CNTN5: variants seen among roughly 807,000 people sequenced by gnomAD.
The protein encoded by CNTN5 is contactin-5.
A neutral mutation model predicts 129.1 loss-of-function variants in CNTN5; 77 were observed. The ratio of observed to expected loss-of-function variants is 0.60; its 90% CI spans 0.50 to 0.72. CNTN5 has a LOEUF of 0.72. Ranked by LOEUF, CNTN5 falls within the 30% of genes least tolerant of loss-of-function variation. The pLI is 0.00. For synonymous variants in CNTN5, 509 were observed against 465.6 expected (o/e 1.09, Z -1.20); for missense variants, 1,478 against 1,328.8 (o/e 1.11, Z -1.75).
chr11:99,162,311 C>G (rs577017337), intron 1 of CNTN5, among the ~76,000 whole-genome samples: 94 of 151,692 alleles, frequency 6.2e-4, no homozygotes, highest in African/African-American at 2.1e-3. Context: ...AAGAAGAGAG[C>G]CTTTGTAGAA....
At position 100,286,764 on chromosome 11, in the gene CNTN5, T is replaced by C. The variant is rs1308213413; in HGVS notation, c.2315-10861T>C. Among the ~76,000 whole-genome samples, 765 of 147,776 alleles carry C rather than the reference T, an allele frequency of 5.2e-3. 29 individuals are homozygous for C. Among genetic ancestry groups the C allele is most frequent in the African/African-American group, 0.018 (725 of 39,362 alleles). On this transcript the variant is annotated intron_variant, in intron 18 of 24. Coordinates refer to ENST00000524871, the MANE Select transcript of CNTN5 (RefSeq NM_014361.4). ...GAACAAAGCTGGATGGAGAATGACTTTGATGAGCTGAGAGAAGAAGGCTTC... is the reference window on the plus strand; with the variant it reads ...GAACAAAGCTGGATGGAGAATGACTCTGATGAGCTGAGAGAAGAAGGCTTC...
chr11:100,289,164 G>C (rs1444526375), intron 18 of CNTN5, among the ~76,000 whole-genome samples: 1 of 151,310 alleles, frequency 6.6e-6, no homozygotes, highest in Admixed American at 6.6e-5. Context: ...ATTCACAGCC[G>C]AATTCTACCA....
chr11:100,291,979 C>T (rs539214510), intron 18 of CNTN5, among the ~76,000 whole-genome samples: 3 of 151,882 alleles, frequency 2.0e-5, no homozygotes, highest in South Asian at 2.1e-4. Context: ...CAAATAAATC[C>T]TAAGCACTTT....
intron 6 of CNTN5, among the ~76,000 whole-genome samples, chr11:99,853,365 G>C (rs1224234397): frequency 6.6e-6 from 1 of 151,724 alleles, no homozygotes; most frequent in Non-Finnish European, 1.5e-5. Flanking sequence ...AGGTATGTGT[G>C]TATATGTAAT....
chr11:99,436,333 G>A (rs1943598156), intron 2 of CNTN5, among the ~76,000 whole-genome samples: 1 of 152,094 alleles, frequency 6.6e-6, no homozygotes, highest in Non-Finnish European at 1.5e-5. Context: ...ATAAATGGAG[G>A]ATCAGAGAGA....
rs1014813958 is a variant in CNTN5 at position 99,256,633 on chromosome 11, T to A, written c.-209-68713T>A. Among the ~76,000 whole-genome samples, 3 of 152,064 alleles carry A rather than the reference T, an allele frequency of 2.0e-5. No homozygotes were observed. The South Asian group carries it at 6.2e-4, about 32-fold the overall frequency. ...TACCAATGGAAAATGATTACATAAT[T>A]TATCAAAAATATATTTATGCCAAAG... On this transcript the variant is annotated intron_variant, in intron 1 of 24. Transcript: ENST00000524871.
At chr11:99,458,417 C>T (rs1565598198) in intron 2 of CNTN5, among the ~76,000 whole-genome samples, 3 of 151,658 alleles carry the variant, frequency 2.0e-5, no homozygotes, top group Admixed American at 6.6e-5. Flanking sequence ...ATGAGAATTG[C>T]GCTATAAAAA....
At chr11:99,390,128 A>G (rs1239998456) in intron 2 of CNTN5, among the ~76,000 whole-genome samples, 1 of 110,246 alleles carries the variant, frequency 9.1e-6, no homozygotes, top group Non-Finnish European at 1.9e-5. Context: ...AAATAAAATA[A>G]GCCTTTTTTT....
chr11:99,813,421 C>T (rs1477532789), intron 3 of CNTN5, among the ~76,000 whole-genome samples: 1 of 152,078 alleles, frequency 6.6e-6, no homozygotes, highest in Non-Finnish European at 1.5e-5. Flanking sequence ...TAGAAGACAC[C>T]TTTCCATGAC....
Position 99,998,027 on chromosome 11 carries a change from G to A in CNTN5, c.878-4007G>A, listed in dbSNP as rs192466341. Reference sequence around the variant, plus strand: ...TCTCAAAATGATAAGAGCTATCTATGACAAACCCACAGCCAATATCATACT... The same window carrying A: ...TCTCAAAATGATAAGAGCTATCTATAACAAACCCACAGCCAATATCATACT... On this transcript the variant is annotated intron_variant, in intron 8 of 24. Transcript: ENST00000524871. 1.1e-3 allele frequency among the ~76,000 whole-genome samples: 172 copies of A among 152,206 alleles called. No homozygotes were observed. In the South Asian group the frequency reaches 0.012, roughly 10 times the overall value.
At chr11:99,406,936 C>G (rs961131749) in intron 2 of CNTN5, among the ~76,000 whole-genome samples, 4 of 151,694 alleles carry the variant, frequency 2.6e-5, no homozygotes, top group Admixed American at 6.6e-5. Context: ...TGGGACTCAC[C>G]CTTCAGGGAA....
chr11:99,571,231 T>C (rs889537723), intron 3 of CNTN5, among the ~76,000 whole-genome samples: 1 of 152,190 alleles, frequency 6.6e-6, no homozygotes. Flanking sequence ...ATGAAGTATT[T>C]AGACCTGTAG....
At chr11:100,006,446 T>C (rs1940194813) in intron 9 of CNTN5, among the ~76,000 whole-genome samples, 2 of 152,178 alleles carry the variant, frequency 1.3e-5, no homozygotes, top group African/African-American at 2.4e-5. Context: ...ACCAAGTAGA[T>C]GTAATGGTCC....
chr11:99,956,995 C>A lies in CNTN5; in HGVS notation c.863C>A (p.Thr288Asn). Residue 288 changes from threonine (T) to asparagine (N), a missense_variant, in exon 8 of 25, where the codon ACT becomes AAT. By Grantham distance (65) the Thr-to-Asn change is moderately conservative. Coordinates refer to ENST00000524871, the MANE Select transcript of CNTN5 (RefSeq NM_014361.4). Reference protein sequence around the residue: ...ARVLSPPTPLTLRNDGVMGEY... With the variant: ...ARVLSPPTPLNLRNDGVMGEY... The stretch of plus-strand genomic sequence containing the variant: ...GTCCTTAGTCCTCCAACGCCACTCA[C>A]TCTGCGTAATGATGGTAAGTTGCTT... The A allele has an allele frequency of 1.2e-6, 2 of 1,613,592 alleles. No individual in the cohort carries two copies. Among genetic ancestry groups the A allele is most frequent in the Non-Finnish European group, 1.7e-6 (2 of 1,179,668 alleles).
intron 1 of CNTN5, among the ~76,000 whole-genome samples, chr11:99,259,135 A>T (rs1285389546): frequency 6.6e-6 from 1 of 151,922 alleles, no homozygotes; most frequent in Non-Finnish European, 1.5e-5. Flanking sequence ...TATTGTATAT[A>T]TGTATGCATA....
chr11:99,972,434 C>T (rs986944512), intron 8 of CNTN5, among the ~76,000 whole-genome samples: 3 of 152,166 alleles, frequency 2.0e-5, no homozygotes, highest in Non-Finnish European at 4.4e-5. Context: ...CAAGGCGTGT[C>T]CCTGCGCCTC....
At position 99,119,410 on chromosome 11, in the gene CNTN5, G is replaced by GT. The variant is rs1241589079; in HGVS notation, c.-210+98142dup. Reference sequence around the variant, plus strand: ...ACGGTTTTTGGTTTTCTGTTGCTGTGTTAGTTTGCCAAGGATAATGGCCTC... The same window carrying GT: ...ACGGTTTTTGGTTTTCTGTTGCTGTGTTTAGTTTGCCAAGGATAATGGCCTC... On this transcript the variant is annotated intron_variant, in intron 1 of 24. Transcript: ENST00000524871. Among the ~76,000 whole-genome samples, 3 of 152,072 alleles carry GT rather than the reference G, an allele frequency of 2.0e-5. No homozygotes were observed. In the East Asian group the frequency reaches 5.8e-4, roughly 29 times the overall value.
intron 6 of CNTN5, among the ~76,000 whole-genome samples, chr11:99,877,404 G>A (rs896629416): frequency 1.2e-4 from 19 of 152,118 alleles, no homozygotes; most frequent in Admixed American, 4.6e-4. Flanking sequence ...AGTGACATAT[G>A]CAAGTAGGAA....
chr11:100,190,702 A>T (rs1424011670), intron 13 of CNTN5, among the ~76,000 whole-genome samples: 1 of 148,254 alleles, frequency 6.7e-6, no homozygotes, highest in Non-Finnish European at 1.5e-5. Context: ...TGTGTTCTGT[A>T]CTTATACTCC....
Sources: allele counts gnomAD v4.1 joint callset (sites outside exome capture counted in the v4.1 genomes callset), GRCh38; gene constraint gnomAD v4.1.1; transcripts MANE v1.5; gene names NCBI Gene and HGNC (gene_info 2026-07-23, HGNC 2026-07-21).